PALM: variants seen among roughly 807,000 people sequenced by gnomAD.
PALM encodes the protein paralemmin.
PALM carries 18 observed loss-of-function variants against 30.7 expected under a neutral mutation model. The observed-to-expected ratio is 0.59, with a 90% confidence interval of 0.41 to 0.87. PALM has a LOEUF of 0.87. Ranked by LOEUF, PALM falls within the 40% of genes least tolerant of loss-of-function variation. The pLI, the probability that PALM is intolerant of heterozygous loss-of-function variation, is 0.00. For missense variants in PALM, 529 were observed against 555.4 expected, an observed-to-expected ratio of 0.95 and a Z score of 0.48; for synonymous variants, 286 against 242.8, an observed-to-expected ratio of 1.18 and a Z score of -1.66.
intron 1 of PALM, among the ~76,000 whole-genome samples, chr19:714,191 C>A (rs2032178561): frequency 6.6e-6 from 1 of 151,240 alleles, no homozygotes; most frequent in Non-Finnish European, 1.5e-5. Context: ...AGGCGTGAGC[C>A]ACCGCGCCCG....
chr19:742,591 G>C lies in PALM; in HGVS notation c.634+2108G>C, dbSNP rs924061014. Among the ~76,000 whole-genome samples the C allele has an allele frequency of 8.3e-5, 12 of 144,554 alleles. No homozygotes were observed. Among genetic ancestry groups the C allele is most frequent in the Middle Eastern group, 3.2e-3 (1 of 312 alleles). The allele number at this position is 144,554 out of a possible 152,430, so 94.8% of individuals were successfully genotyped here. On this transcript the variant is annotated intron_variant, in intron 8 of 8. Transcript: ENST00000338448. This position sits in a 1 kb window ranked among gnomAD's most constrained non-coding sequence, Gnocchi z 5.5. Reference sequence around the variant, plus strand: ...CTGCTCTCCAGCCTGTGCGACAAGAGTGAAACTCTGTCTCAAAAAAAAAAA... The same window carrying C: ...CTGCTCTCCAGCCTGTGCGACAAGACTGAAACTCTGTCTCAAAAAAAAAAA...
rs180812695 is a variant in PALM at position 738,297 on chromosome 19, G to C, written c.503-2055G>C. Among the ~76,000 whole-genome samples the C allele has an allele frequency of 1.8e-4, 27 of 152,144 alleles. No homozygotes were observed. The East Asian group carries it at 2.9e-3, about 16-fold the overall frequency. On this transcript the variant is annotated intron_variant, in intron 7 of 8. Transcript: ENST00000338448. Reference sequence around the variant, plus strand: ...ATCCCAGCACTTTGGGAGGCCGAGGGGGGCAGATCATGAGGTCAGGAGATC... The same window carrying C: ...ATCCCAGCACTTTGGGAGGCCGAGGCGGGCAGATCATGAGGTCAGGAGATC...
rs1231085798 is a variant in PALM, at chr19:731,212, G to C, written c.387G>C (p.Glu129Asp). The C allele has an allele frequency of 6.2e-7, 1 of 1,611,380 alleles. No individual in the cohort carries two copies. Among genetic ancestry groups the C allele is most frequent in the African/African-American group, 1.3e-5 (1 of 74,876 alleles). ...RAPAPSPAKE[E>D]RKTEVVMNSQ... is the part of the protein sequence containing the mutation. The stretch of plus-strand genomic sequence containing the variant: ...CAGCCCCGAGTCCAGCCAAGGAGGA[G>C]CGCAAGACAGAGGTGGTGATGAATT... The change falls in exon 5 of 9, where the codon GAG becomes GAC. Residue 129 changes from glutamate (E) to aspartate (D), a missense_variant. By Grantham distance (45) the Glu-to-Asp change is conservative. Coordinates refer to ENST00000338448, the MANE Select transcript of PALM (RefSeq NM_002579.3).
chr19:738,579 G>T (rs2033092977), intron 7 of PALM, among the ~76,000 whole-genome samples: 1 of 152,118 alleles, frequency 6.6e-6, no homozygotes, highest in Admixed American at 6.5e-5. Context: ...GAAGAGCCAG[G>T]GTGGGGGCAG....
intron 4 of PALM, among the ~76,000 whole-genome samples, chr19:728,674 G>A (rs2144886486): frequency 6.6e-6 from 1 of 152,204 alleles, no homozygotes; most frequent in East Asian, 1.9e-4. Context: ...CTGGTGTGGT[G>A]GTGCCCAGCC....
chr19:741,277 A>G (rs537989847), intron 8 of PALM, among the ~76,000 whole-genome samples: 1 of 152,274 alleles, frequency 6.6e-6, no homozygotes, highest in South Asian at 2.1e-4. Flanking sequence ...GCAGGGGCTC[A>G]TCAGAGACAC....
chr19:717,023 G>A (rs1228787942), intron 1 of PALM, among the ~76,000 whole-genome samples: 7 of 151,696 alleles, frequency 4.6e-5, no homozygotes, highest in African/African-American at 7.3e-5. Flanking sequence ...TCCGCCTCCC[G>A]GGTTCAAGTG....
At chr19:721,286 GAT>G (rs911805428) in intron 1 of PALM, among the ~76,000 whole-genome samples, 1 of 152,112 alleles carries the variant, frequency 6.6e-6, no homozygotes, top group African/African-American at 2.4e-5. Flanking sequence ...GTTATTTTGA[GAT>G]AGGGTTTCAC....
intron 8 of PALM, among the ~76,000 whole-genome samples, chr19:745,638 T>C (rs925411240): frequency 8.8e-5 from 13 of 147,004 alleles, no homozygotes; most frequent in Admixed American, 2.8e-4. Flanking sequence ...GAGGTTGCGG[T>C]GAGCCGAGAC....
intron 4 of PALM, 100 bp downstream of exon 4, chr19:727,794 A>C: frequency 8.8e-7 from 1 of 1,139,486 alleles, no homozygotes; most frequent in South Asian, 1.5e-5. Context: ...GTGTGCTTTG[A>C]GGGAGATGCG....
At chr19:725,064 T>C (rs2032614554) in intron 1 of PALM, among the ~76,000 whole-genome samples, 1 of 151,748 alleles carries the variant, frequency 6.6e-6, no homozygotes, top group Non-Finnish European at 1.5e-5. Context: ...GGAGCAATTC[T>C]CGTGCCTCAG....
At position 734,153 on chromosome 19, in the gene PALM, TTC is replaced by T. The variant is rs375076082; in HGVS notation, c.421-14_421-13del. On this transcript the variant is annotated intron_variant, in intron 5 of 8. Transcript: ENST00000338448. ...CCGGGGATGCTGACGCCCCTGACCC[TTC>T]TCTCTTCTTTCTTGCAGACGCCGGT... is the stretch of plus-strand genomic sequence containing the variant. 77 of 1,613,638 alleles carry T rather than the reference TTC, an allele frequency of 4.8e-5. No homozygotes were observed. The African/African-American group carries it at 9.3e-4, about 20-fold the overall frequency.
In PALM at chr19:731,203, C is replaced by A. The variant is rs777387990; in HGVS notation, c.378C>A (p.Ala126=). 16 of 1,611,424 alleles carry A rather than the reference C, an allele frequency of 9.9e-6. No homozygotes were observed. The highest frequency in any genetic ancestry group is 1.4e-5 in the Non-Finnish European group (16 of 1,179,402). The change falls in exon 5 of 9, where the codon GCC becomes GCA. Residue 126 remains alanine, a synonymous_variant. Coordinates refer to ENST00000338448, the MANE Select transcript of PALM (RefSeq NM_002579.3). The part of the protein sequence containing the change: ...SPVRAPAPSP[A]KEERKTEVVM... ...TCCGGGCCCCAGCCCCGAGTCCAGC[C>A]AAGGAGGAGCGCAAGACAGAGGTGG...
At position 737,171 on chromosome 19, in the gene PALM, T is replaced by C. The variant is rs148525503; in HGVS notation, c.502+1093T>C. ...CCCAGGTCTCCAGCACGGTCCAGGG[T>C]GGGGGTTGCCCCAGGATGCAGCAGA... On this transcript the variant is annotated intron_variant, in intron 7 of 8. Transcript: ENST00000338448. Among the ~76,000 whole-genome samples the C allele has an allele frequency of 1.9e-3, 284 of 152,100 alleles. 1 individual carries two copies. Among genetic ancestry groups the C allele is most frequent in the African/African-American group, 6.5e-3 (271 of 41,482 alleles).
At position 727,031 on chromosome 19, in the gene PALM, G is replaced by A. The variant is rs200449881; in HGVS notation, c.81G>A (p.Glu27=). ...AIAEKRKRQA[E]IENKRRQLED... is the part of the protein sequence containing the mutation. ...AGGAGAAGCGGAAGCGGCAGGCGGAGATCGAGAACAAGCGCCGGCAGCTGG... is the reference window on the plus strand; with the variant it reads ...AGGAGAAGCGGAAGCGGCAGGCGGAAATCGAGAACAAGCGCCGGCAGCTGG... The change falls in exon 3 of 9, where the codon GAG becomes GAA. Residue 27 remains glutamate (E), a synonymous_variant. Transcript: ENST00000338448. 1,599 of 1,545,986 alleles carry A rather than the reference G, an allele frequency of 1.0e-3. No homozygotes were observed. Among genetic ancestry groups the A allele is most frequent in the Non-Finnish European group, 1.3e-3 (1,482 of 1,144,696 alleles).
intron 1 of PALM, chr19:719,501 G>A: frequency 1.0e-6 from 1 of 985,410 alleles, no homozygotes; most frequent in Non-Finnish European, 1.2e-6. Context: ...GCGCTCCAGG[G>A]GCTCTGCGCG....
intron 6 of PALM, 139 bp from the exon 7 acceptor site, chr19:735,880 G>A: frequency 1.5e-6 from 1 of 675,254 alleles, no homozygotes; most frequent in Non-Finnish European, 2.6e-6. Context: ...CTGTGTCTGG[G>A]TGGGGTCTGG....
intron 7 of PALM, 80 bp downstream of exon 7, chr19:736,158 C>CG: frequency 2.0e-6 from 1 of 500,698 alleles, no homozygotes; most frequent in Non-Finnish European, 3.8e-6. Context: ...CCGGGTGGGG[C>CG]GGGGGCGACA....
In PALM at chr19:735,060, G is replaced by T. The variant is rs73508311; in HGVS notation, c.442+866G>T. ...AATCACTGGGCTGAGGATGAGGAAT[G>T]AACTGTGAGGCTGCCTGTGGGATTT... On this transcript the variant is annotated intron_variant, in intron 6 of 8. Coordinates refer to ENST00000338448, the MANE Select transcript of PALM (RefSeq NM_002579.3). 3,707 of 988,488 alleles carry T rather than the reference G, an allele frequency of 3.8e-3. 121 individuals are homozygous for T. The African/African-American group carries it at 0.059, about 16-fold the overall frequency. 61.2% of individuals were successfully genotyped at this position (988,488 alleles called of 1,614,324 possible).
Sources: gnomAD v4.1 joint callset for allele counts (sites outside exome capture counted in the v4.1 genomes callset) on GRCh38, gnomAD v4.1.1 for gene constraint, Gnocchi (gnomAD v3.1) non-coding constraint, MANE v1.5 for transcripts, NCBI Gene and HGNC (gene_info 2026-07-23, HGNC 2026-07-21) for gene names.